The following SLC7A5 variants were observed in gnomAD, a reference collection of about 807,000 sequenced individuals.
SLC7A5 encodes the protein solute carrier family 7 member 5.
Under a neutral mutation model 50.2 loss-of-function variants are expected in SLC7A5, and 23 were observed. The observed-to-expected ratio is 0.46, with a 90% CI of 0.33 to 0.65. The LOEUF is 0.65. Among genes scored for constraint, SLC7A5 ranks in the 30% least tolerant of loss-of-function variants. The pLI, the probability that SLC7A5 is intolerant of heterozygous loss-of-function variation, is 0.02. For missense variants in SLC7A5, 578 were observed against 684.4 expected (o/e 0.84, Z 1.73); for synonymous variants, 393 against 330.6 (o/e 1.19, Z -2.05).
Position 87,832,961 on chromosome 16 carries a change from G to T in SLC7A5, c.*9C>A. ...CGCATGCTCCTCCGGCAGCCACTCG[G>T]CCTCCTGGCTATGTCTCCTGGGGGA... On this transcript the variant is annotated 3_prime_UTR_variant, in exon 10 of 10. Coordinates refer to ENST00000261622, the MANE Select transcript of SLC7A5 (RefSeq NM_003486.7). The surrounding 1 kb of genome is among the most constrained non-coding windows in gnomAD (Gnocchi z 4.6). 1 of 1,612,614 alleles carries T rather than the reference G, an allele frequency of 6.2e-7. No homozygotes were observed. The highest frequency in any genetic ancestry group is 8.5e-7 in the Non-Finnish European group (1 of 1,178,796).
Position 87,837,896 on chromosome 16 carries a change from G to A in SLC7A5, c.1089C>T (p.Leu363=), listed in dbSNP as rs774422651. 1.2e-6 allele frequency: 2 copies of A among 1,608,744 alleles called. No homozygotes were observed. The highest frequency in any genetic ancestry group is 1.7e-6 in the Non-Finnish European group (2 of 1,178,552). ...TGAGGAGCTGTGGGTGGATCATGGAGAGGATGGAGGGCAGGTGGCCTTCCC... is the reference window on the plus strand; with the variant it reads ...TGAGGAGCTGTGGGTGGATCATGGAAAGGATGGAGGGCAGGTGGCCTTCCC... ...GSREGHLPSI[L]SMIHPQLLTP... Residue 363 remains leucine, a synonymous_variant, in exon 7 of 10, where the codon CTC becomes CTT. Transcript: ENST00000261622.
chr16:87,836,095 T>C (rs1316570251), intron 8 of SLC7A5, among the ~76,000 whole-genome samples: 1 of 152,240 alleles, frequency 6.6e-6, no homozygotes, highest in Non-Finnish European at 1.5e-5. Context: ...AGAGTCCAGC[T>C]GGGCCCAGGC....
At chr16:87,838,633 C>G in intron 6 of SLC7A5, 81 bp downstream of exon 6, 1 of 1,096,392 alleles carries the variant, frequency 9.1e-7, no homozygotes, top group South Asian at 1.2e-5. Context: ...CAGAGACAAA[C>G]CTTTTACAGA....
rs894269781 is a variant in SLC7A5, at chr16:87,861,385, C to T, written c.538+7500G>A. ...TTGCTGACTGACACCTCCCCAGACC[C>T]CTGGCACCCACCAGACTCCCCAGGC... is the stretch of plus-strand genomic sequence containing the variant. On this transcript the variant is annotated intron_variant, in intron 1 of 9. Transcript: ENST00000261622. This position sits in a 1 kb window ranked among gnomAD's most constrained non-coding sequence, Gnocchi z 4.2. Among the ~76,000 whole-genome samples, 14 of 152,168 alleles carry T rather than the reference C, an allele frequency of 9.2e-5. No homozygotes were observed. The highest frequency in any genetic ancestry group is 3.4e-4 in the African/African-American group (14 of 41,432).
At position 87,861,116 on chromosome 16, in the gene SLC7A5, G is replaced by C. The variant is rs2077615; in HGVS notation, c.538+7769C>G. 0.15 allele frequency among the ~76,000 whole-genome samples: 22,929 copies of C among 152,228 alleles called. 1,893 individuals carry two copies. The highest frequency in any genetic ancestry group is 0.24 in the Middle Eastern group (71 of 294). ...ACAGTACCAATCTGCATGCATACACGTGTCCTGTCCCTGCAGACGGGCCAG... is the reference window on the plus strand; with the variant it reads ...ACAGTACCAATCTGCATGCATACACCTGTCCTGTCCCTGCAGACGGGCCAG... On this transcript the variant is annotated intron_variant, in intron 1 of 9. Transcript: ENST00000261622. This position sits in a 1 kb window ranked among gnomAD's most constrained non-coding sequence, Gnocchi z 4.2.
chr16:87,838,800 G>T lies in SLC7A5; in HGVS notation c.957C>A (p.His319Gln). ...GGATGATCCAGGACATGACGCCCAG[G>T]TGATAGTTCCCGAAGTCCTAGGCAG... ...EAVAVDFGNY[H>Q]LGVMSWIIPV... The change falls in exon 6 of 10, where the codon CAC becomes CAA. Residue 319 changes from histidine (H) to glutamine (Q), a missense_variant. Around this residue, in one of 2 missense-constraint regions of SLC7A5, gnomAD observed 465 missense variants for 594.6 expected, o/e 0.78. Coordinates refer to ENST00000261622, the MANE Select transcript of SLC7A5 (RefSeq NM_003486.7). 2 of 1,613,964 alleles carry T rather than the reference G, an allele frequency of 1.2e-6. No individual in the cohort carries two copies. The highest frequency in any genetic ancestry group is 1.7e-6 in the Non-Finnish European group (2 of 1,179,976).
rs559255685 is a variant in SLC7A5, at chr16:87,852,503, G to T, written c.539-654C>A. ...CAAAATAGCACCGTGTGCTTCAGAAGCCTGAGTGACCCCACACAGATGGCC... is the reference window on the plus strand; with the variant it reads ...CAAAATAGCACCGTGTGCTTCAGAATCCTGAGTGACCCCACACAGATGGCC... On this transcript the variant is annotated intron_variant, in intron 1 of 9. Transcript: ENST00000261622. This position sits in a 1 kb window ranked among gnomAD's most constrained non-coding sequence, Gnocchi z 4.5. Among the ~76,000 whole-genome samples, 13 of 152,182 alleles carry T rather than the reference G, an allele frequency of 8.5e-5. No homozygotes were observed. The highest frequency in any genetic ancestry group is 1.5e-4 in the Non-Finnish European group (10 of 68,026).
chr16:87,867,104 G>C (rs1409745062), intron 1 of SLC7A5, among the ~76,000 whole-genome samples: 1 of 152,056 alleles, frequency 6.6e-6, no homozygotes, highest in African/African-American at 2.4e-5. Context: ...ATTTTTAGTA[G>C]AGATGGGGTT....
intron 2 of SLC7A5, among the ~76,000 whole-genome samples, chr16:87,846,470 A>C (rs184038668): frequency 6.6e-6 from 1 of 152,360 alleles, no homozygotes; most frequent in East Asian, 1.9e-4. Context: ...TCAGACGTGG[A>C]AGCCCTAACC....
At position 87,837,860 on chromosome 16, in the gene SLC7A5, C is replaced by T. The variant is rs140321337; in HGVS notation, c.1125G>A (p.Pro375=). The T allele has an allele frequency of 2.4e-5, 39 of 1,605,872 alleles. No homozygotes were observed. In the Admixed American group the frequency reaches 2.6e-4, roughly 11 times the overall value. ...GCAGGCTTACCGTGAACACGAGGGACGGCACGGGGGTGAGGAGCTGTGGGT... is the reference window on the plus strand; with the variant it reads ...GCAGGCTTACCGTGAACACGAGGGATGGCACGGGGGTGAGGAGCTGTGGGT... ...MIHPQLLTPV[P]SLVFTCVMTL... is the part of the protein sequence containing the mutation. Residue 375 remains proline (P), a synonymous_variant, in exon 7 of 10, where the codon CCG becomes CCA. Coordinates refer to ENST00000261622, the MANE Select transcript of SLC7A5 (RefSeq NM_003486.7).
rs1206865061 is a variant in SLC7A5 at position 87,830,313 on chromosome 16, T to C, written c.*2657A>G. 6.6e-6 allele frequency: 1 copy of C among 152,254 alleles called. No individual in the cohort carries two copies. Among genetic ancestry groups the C allele is most frequent in the Non-Finnish European group, 1.5e-5 (1 of 68,050 alleles). The allele number at this position is 152,254 out of a possible 1,614,324, so 9.4% of individuals were successfully genotyped here. On this transcript the variant is annotated 3_prime_UTR_variant, in exon 10 of 10. Transcript: ENST00000261622. Reference sequence around the variant, plus strand: ...ATAAACATGGTGCCGACAGCATCTTTAAATTAGTAAGACGTTAGCACAAAA... The same window carrying C: ...ATAAACATGGTGCCGACAGCATCTTCAAATTAGTAAGACGTTAGCACAAAA...
In SLC7A5 at chr16:87,860,217, C is replaced by G. The variant is rs550715797; in HGVS notation, c.539-8368G>C. ...GCATGGTGGTGCATGCCTGTAGTCC[C>G]AGCTACTCGGGAAGCTAAGGCAGGA... On this transcript the variant is annotated intron_variant, in intron 1 of 9. Coordinates refer to ENST00000261622, the MANE Select transcript of SLC7A5 (RefSeq NM_003486.7). This position sits in a 1 kb window ranked among gnomAD's most constrained non-coding sequence, Gnocchi z 4.8. Among the ~76,000 whole-genome samples, 1 of 151,630 alleles carries G rather than the reference C, an allele frequency of 6.6e-6. No individual in the cohort carries two copies. Among genetic ancestry groups the G allele is most frequent in the African/African-American group, 2.4e-5 (1 of 41,242 alleles).
At chr16:87,865,567 G>A (rs1555516766) in intron 1 of SLC7A5, among the ~76,000 whole-genome samples, 1 of 152,138 alleles carries the variant, frequency 6.6e-6, no homozygotes, top group African/African-American at 2.4e-5. Context: ...AAAATTAGCT[G>A]GGCATGGTGG....
intron 2 of SLC7A5, among the ~76,000 whole-genome samples, chr16:87,851,178 GTTTGT>G (rs2055218093): frequency 6.6e-6 from 1 of 152,234 alleles, no homozygotes; most frequent in South Asian, 2.1e-4. Context: ...GGGTTACCAC[GTTTGT>G]TTTGTTTTCC....
chr16:87,859,953 G>A (rs1235570008), intron 1 of SLC7A5, among the ~76,000 whole-genome samples: 4 of 149,574 alleles, frequency 2.7e-5, no homozygotes, highest in Non-Finnish European at 5.9e-5. Context: ...CACAATATTC[G>A]TCTCCACAAC....
At chr16:87,854,700 G>A (rs529014226) in intron 1 of SLC7A5, among the ~76,000 whole-genome samples, 19 of 152,384 alleles carry the variant, frequency 1.2e-4, no homozygotes, top group East Asian at 3.9e-4. Flanking sequence ...AAACCCGTCC[G>A]GGGATACCCC....
chr16:87,863,986 A>AAAAAAAAAATATATATATATATAT (rs376938738), intron 1 of SLC7A5, among the ~76,000 whole-genome samples: 1 of 83,280 alleles, frequency 1.2e-5, no homozygotes, highest in Non-Finnish European at 2.5e-5. Context: ...ATCATTTAAA[A>AAAAAAAAAATATATATATATATAT]ATATATATAT....
At chr16:87,858,014 C>G (rs2055342435) in intron 1 of SLC7A5, among the ~76,000 whole-genome samples, 1 of 152,158 alleles carries the variant, frequency 6.6e-6, no homozygotes, top group African/African-American at 2.4e-5. Flanking sequence ...AAAAGGGCAG[C>G]TTCTCATGTG....
At chr16:87,843,057 C>T (rs1453089375) in intron 2 of SLC7A5, among the ~76,000 whole-genome samples, 1 of 152,172 alleles carries the variant, frequency 6.6e-6, no homozygotes, top group East Asian at 1.9e-4. Flanking sequence ...CCTCCCCCAT[C>T]TGGCACTCAT....
Sources: gnomAD v4.1 joint callset for allele counts (sites outside exome capture counted in the v4.1 genomes callset) on GRCh38, gnomAD v4.1.1 for gene constraint, gnomAD v4.1.1 regional missense constraint, Gnocchi (gnomAD v3.1) non-coding constraint, MANE v1.5 for transcripts, NCBI Gene and HGNC (gene_info 2026-07-23, HGNC 2026-07-21) for gene names.